Variants in ANKS1B observed in about 807,000 individuals in gnomAD.
ANKS1B encodes ankyrin repeat and sterile alpha motif domain containing 1B.
A neutral mutation model predicts 148.3 loss-of-function variants in ANKS1B; 36 were observed. The observed-to-expected ratio is 0.24, with a 90% CI of 0.19 to 0.32. The LOEUF (loss-of-function observed/expected upper bound fraction) is 0.32, where lower values mean the gene tolerates loss of function less well. Among genes scored for constraint, ANKS1B ranks in the 10% least tolerant of loss-of-function variants. The pLI, the probability that ANKS1B is intolerant of heterozygous loss-of-function variation, is 1.00. For missense variants in ANKS1B, 1,157 were observed against 1,542.6 expected (o/e 0.75, Z 4.19); for synonymous variants, 542 against 560.8 (o/e 0.97, Z 0.47).
intron 1 of ANKS1B, among the ~76,000 whole-genome samples, chr12:99,847,013 G>C (rs550558943): frequency 6.6e-6 from 1 of 152,114 alleles, no homozygotes; most frequent in African/African-American, 2.4e-5. Context: ...GCCTCAGAAA[G>C]CAACACCCTA....
At chr12:98,847,658 A>C (rs1039915128) in intron 17 of ANKS1B, among the ~76,000 whole-genome samples, 1 of 151,700 alleles carries the variant, frequency 6.6e-6, no homozygotes, top group Non-Finnish European at 1.5e-5. Flanking sequence ...TGCAGTGGAG[A>C]GATCTTGGCT....
intron 22 of ANKS1B, among the ~76,000 whole-genome samples, chr12:98,787,658 G>A (rs185630351): frequency 6.6e-4 from 101 of 152,196 alleles, no homozygotes; most frequent in African/African-American, 1.9e-3. Flanking sequence ...GGTGGTTCTC[G>A]CCTGTAATCC....
chr12:98,946,349 T>C (rs563657498), intron 17 of ANKS1B, among the ~76,000 whole-genome samples: 6 of 152,350 alleles, frequency 3.9e-5, no homozygotes, highest in African/African-American at 1.4e-4. Context: ...CAGGAATATA[T>C]GCATTATTCT....
At chr12:99,934,396 T>A (rs533953389) in intron 1 of ANKS1B, among the ~76,000 whole-genome samples, 2 of 152,112 alleles carry the variant, frequency 1.3e-5, no homozygotes, top group African/African-American at 4.8e-5. Context: ...AGTCATTGGA[T>A]CCTCGGCTTC....
intron 8 of ANKS1B, among the ~76,000 whole-genome samples, chr12:99,669,099 T>C (rs1240225223): frequency 1.3e-5 from 2 of 152,174 alleles, no homozygotes; most frequent in Admixed American, 1.3e-4. Context: ...TTCTATCAAA[T>C]CTGTAATTCC....
chr12:99,415,327 T>C (rs11109831), intron 11 of ANKS1B, among the ~76,000 whole-genome samples: 40,592 of 152,124 alleles, frequency 0.27, 5,608 homozygotes, highest in East Asian at 0.43. Context: ...TAAGTTCTTT[T>C]TTTAAAGCAA....
At chr12:99,976,671 C>T (rs2095633322) in intron 1 of ANKS1B, among the ~76,000 whole-genome samples, 1 of 152,206 alleles carries the variant, frequency 6.6e-6, no homozygotes, top group South Asian at 2.1e-4. Flanking sequence ...ATCCAAATAA[C>T]TCTACTGCAC....
chr12:98,886,823 A>G (rs2099741142), intron 17 of ANKS1B, among the ~76,000 whole-genome samples: 1 of 152,246 alleles, frequency 6.6e-6, no homozygotes, highest in South Asian at 2.1e-4. Context: ...ATGACATAAG[A>G]ATACAACGTT....
intron 9 of ANKS1B, among the ~76,000 whole-genome samples, chr12:99,626,658 T>C (rs908225382): frequency 2.2e-4 from 33 of 152,142 alleles, no homozygotes; most frequent in African/African-American, 3.6e-4. Flanking sequence ...ACCTTTATAA[T>C]AGGTCAAGCT....
In ANKS1B at chr12:99,285,477, T is replaced by C. The variant is rs76360152; in HGVS notation, c.1757-38613A>G. ...TGTTTTCATTTCTCTTCAAAAAATA[T>C]CTAGGTATAAATGACCGAGTCTAGA... On this transcript the variant is annotated intron_variant, in intron 12 of 26. Transcript: ENST00000683438. Among the ~76,000 whole-genome samples the C allele has an allele frequency of 3.5e-3, 536 of 152,304 alleles. 19 individuals are homozygous for C. In the East Asian group the frequency reaches 0.066, roughly 19 times the overall value.
chr12:99,954,269 T>C (rs956581680), intron 1 of ANKS1B, among the ~76,000 whole-genome samples: 2 of 152,186 alleles, frequency 1.3e-5, no homozygotes, highest in Non-Finnish European at 2.9e-5. Context: ...AAATCTTCAA[T>C]CCAGTTCTTT....
intron 9 of ANKS1B, among the ~76,000 whole-genome samples, chr12:99,629,202 T>C (rs1405054611): frequency 1.3e-5 from 2 of 152,182 alleles, no homozygotes; most frequent in South Asian, 2.1e-4. Flanking sequence ...CCATAGACCA[T>C]CCATTCACTC....
chr12:99,498,633 T>G lies in ANKS1B; in HGVS notation c.1438+5843A>C, dbSNP rs191082361. 2.4e-4 allele frequency among the ~76,000 whole-genome samples: 36 copies of G among 152,300 alleles called. No individual in the cohort carries two copies. The East Asian group carries it at 6.0e-3, about 25-fold the overall frequency. On this transcript the variant is annotated intron_variant, in intron 10 of 26. Transcript: ENST00000683438. ...ATTCTAAGCTCCTAAAGGTCAACAC[T>G]TATACCTTTTGCTCTGTTCCTTATG...
chr12:99,139,548 G>C (rs2069824146), intron 15 of ANKS1B, among the ~76,000 whole-genome samples: 1 of 143,810 alleles, frequency 7.0e-6, no homozygotes, highest in Admixed American at 7.4e-5. Context: ...AAACTGGCTG[G>C]GATTACAGGT....
chr12:99,634,449 C>A (rs2098210938), intron 9 of ANKS1B, among the ~76,000 whole-genome samples: 2 of 152,068 alleles, frequency 1.3e-5, no homozygotes, highest in South Asian at 4.2e-4. Context: ...TATTACTTTT[C>A]TTTATAAATT....
intron 9 of ANKS1B, among the ~76,000 whole-genome samples, chr12:99,565,721 T>A (rs932206446): frequency 1.3e-5 from 2 of 152,142 alleles, no homozygotes; most frequent in Admixed American, 6.5e-5. Context: ...GACTTAACCA[T>A]CTCCTTTCCT....
intron 12 of ANKS1B, among the ~76,000 whole-genome samples, chr12:99,255,597 A>C (rs976739432): frequency 3.3e-5 from 5 of 152,098 alleles, no homozygotes; most frequent in African/African-American, 4.8e-5. Flanking sequence ...TTTCTAATAT[A>C]TGCATTTAAA....
chr12:99,155,886 C>T (rs1046337096), intron 14 of ANKS1B, among the ~76,000 whole-genome samples: 1 of 152,128 alleles, frequency 6.6e-6, no homozygotes, highest in African/African-American at 2.4e-5. Context: ...AGATATTTCA[C>T]TTCCTACCTT....
intron 3 of ANKS1B, 105 bp from the exon 4 acceptor site, chr12:99,806,805 G>T: frequency 1.8e-6 from 2 of 1,095,170 alleles, no homozygotes; most frequent in Non-Finnish European, 2.6e-6. Context: ...TGTAAGTTAA[G>T]ATTTATCCAT....
Sources: allele counts gnomAD v4.1 joint callset (sites outside exome capture counted in the v4.1 genomes callset), GRCh38; gene constraint gnomAD v4.1.1; transcripts MANE v1.5; gene names NCBI Gene and HGNC (gene_info 2026-07-23, HGNC 2026-07-21).